The following BNC2 variants were observed in gnomAD, a reference collection of about 807,000 sequenced individuals.
BNC2 encodes the protein zinc finger protein basonuclin-2.
In BNC2, 20 loss-of-function variants were observed where a neutral mutation model predicts 76.3. That is an observed-to-expected ratio of 0.26 (90% CI 0.18 to 0.38). The LOEUF (loss-of-function observed/expected upper bound fraction) is 0.38, where lower values mean the gene tolerates loss of function less well. BNC2 is among the 10% of genes least tolerant of loss of function. BNC2 has a pLI of 1.00. For synonymous variants in BNC2, 582 were observed against 514.8 expected, an observed-to-expected ratio of 1.13 and a Z score of -1.77; for missense variants, 1,382 against 1,399.8, an observed-to-expected ratio of 0.99 and a Z score of 0.20.
chr9:16,561,748 A>G (rs1008568051), intron 4 of BNC2, among the ~76,000 whole-genome samples: 6 of 152,158 alleles, frequency 3.9e-5, no homozygotes, highest in Middle Eastern at 3.2e-3. Flanking sequence ...CACACCTGTA[A>G]ATCCAGCACT....
At chr9:16,566,402 C>T (rs1279247452) in intron 4 of BNC2, among the ~76,000 whole-genome samples, 2 of 152,180 alleles carry the variant, frequency 1.3e-5, no homozygotes, top group Non-Finnish European at 2.9e-5. Flanking sequence ...CTCAACCCTT[C>T]TTTTGTTCTA....
At chr9:16,757,277 C>A (rs998748161) in intron 1 of BNC2, among the ~76,000 whole-genome samples, 32 of 152,166 alleles carry the variant, frequency 2.1e-4, no homozygotes, top group African/African-American at 7.7e-4. Context: ...TTACAGTGAT[C>A]TTAAATCTCT....
In BNC2 at chr9:16,577,311, G is replaced by GA. The variant is rs1049360933; in HGVS notation, c.433+5671dup. Among the ~76,000 whole-genome samples, 8 of 149,602 alleles carry GA rather than the reference G, an allele frequency of 5.3e-5. 1 individual carries two copies. Among genetic ancestry groups the GA allele is most frequent in the African/African-American group, 1.7e-4 (7 of 40,628 alleles). On this transcript the variant is annotated intron_variant, in intron 4 of 6. Transcript: ENST00000380672. ...TGATAAGACATATCAAGTACAAGCT[G>GA]AAAATTCAAATTCAACCATGCTGAG...
chr9:16,516,760 G>A (rs1817455989), intron 5 of BNC2, among the ~76,000 whole-genome samples: 1 of 152,048 alleles, frequency 6.6e-6, no homozygotes, highest in African/African-American at 2.4e-5. Flanking sequence ...ATAAAAAAGT[G>A]AATAAAAAGG....
At chr9:16,426,053 C>T (rs1211385792) in intron 6 of BNC2, among the ~76,000 whole-genome samples, 1 of 152,228 alleles carries the variant, frequency 6.6e-6, no homozygotes, top group African/African-American at 2.4e-5. Context: ...TATGTTTTCA[C>T]AGCATTTGGA....
At chr9:16,652,102 G>A (rs1486740770) in intron 3 of BNC2, among the ~76,000 whole-genome samples, 1 of 152,078 alleles carries the variant, frequency 6.6e-6, no homozygotes, top group African/African-American at 2.4e-5. Context: ...ATACCCAAAG[G>A]CAGACTTGTT....
intron 2 of BNC2, among the ~76,000 whole-genome samples, chr9:16,731,096 G>GT (rs1563918490): frequency 6.6e-6 from 1 of 152,010 alleles, no homozygotes; most frequent in Non-Finnish European, 1.5e-5. Context: ...CATCTGTATC[G>GT]TTTTACAGAC....
In BNC2 at chr9:16,765,934, T is replaced by C. The variant is rs368301485; in HGVS notation, c.4-27449A>G. Among the ~76,000 whole-genome samples the C allele has an allele frequency of 1.0e-3, 153 of 152,038 alleles. 1 individual carries two copies. The highest frequency in any genetic ancestry group is 1.0e-2 in the South Asian group (48 of 4,820). On this transcript the variant is annotated intron_variant, in intron 1 of 6. Transcript: ENST00000380672. ...CCGGAGTAGCTGGGACTACAGGCGC[T>C]CGCCACCACGCCTGGCTAATTTTTT...
At chr9:16,521,594 T>G (rs1817621443) in intron 5 of BNC2, among the ~76,000 whole-genome samples, 1 of 152,184 alleles carries the variant, frequency 6.6e-6, no homozygotes, top group Non-Finnish European at 1.5e-5. Flanking sequence ...GGGACGGGAA[T>G]TAAAGACTCA....
chr9:16,517,361 T>C (rs1274493048), intron 5 of BNC2, among the ~76,000 whole-genome samples: 3 of 152,204 alleles, frequency 2.0e-5, no homozygotes, highest in African/African-American at 7.2e-5. Context: ...TGCTACTATA[T>C]ACTGAAATAC....
At chr9:16,518,635 GAC>G (rs1817517116) in intron 5 of BNC2, among the ~76,000 whole-genome samples, 1 of 151,794 alleles carries the variant, frequency 6.6e-6, no homozygotes, top group African/African-American at 2.4e-5. Flanking sequence ...TTGTTTTTGA[GAC>G]AGAGTCTTGC....
At chr9:16,666,929 T>G (rs1242814097) in intron 3 of BNC2, among the ~76,000 whole-genome samples, 1 of 152,040 alleles carries the variant, frequency 6.6e-6, no homozygotes, top group African/African-American at 2.4e-5. Flanking sequence ...GTTAAAAAAT[T>G]CACAGATAAA....
rs373124518 is a variant in BNC2 at position 16,710,607 on chromosome 9, CTATT to C, written c.330+17186_330+17189del. 1.4e-4 allele frequency among the ~76,000 whole-genome samples: 22 copies of C among 152,264 alleles called. No individual in the cohort carries two copies. The East Asian group carries it at 3.1e-3, about 21-fold the overall frequency. On this transcript the variant is annotated intron_variant, in intron 3 of 6. Coordinates refer to ENST00000380672, the MANE Select transcript of BNC2 (RefSeq NM_017637.6). The stretch of plus-strand genomic sequence containing the variant: ...ATGCATGTATGCTTTTCAAGGGTCT[CTATT>C]TATGCCCTCAGAGTAGGATTTGTTC...
At chr9:16,660,026 T>C (rs1191891801) in intron 3 of BNC2, among the ~76,000 whole-genome samples, 2 of 152,336 alleles carry the variant, frequency 1.3e-5, no homozygotes, top group South Asian at 2.1e-4. Context: ...CAAAATATTT[T>C]ACAAATCTAA....
At chr9:16,680,617 T>C (rs1241803127) in intron 3 of BNC2, among the ~76,000 whole-genome samples, 1 of 151,818 alleles carries the variant, frequency 6.6e-6, no homozygotes, top group East Asian at 1.9e-4. Context: ...ATAAGGGGCC[T>C]TTCCATTTGC....
At chr9:16,582,420 C>T (rs1459017906) in intron 4 of BNC2, among the ~76,000 whole-genome samples, 1 of 152,128 alleles carries the variant, frequency 6.6e-6, no homozygotes, top group Non-Finnish European at 1.5e-5. Context: ...ACTCTACCTA[C>T]GTCGACCACC....
At chr9:16,644,087 T>C (rs1821561014) in intron 3 of BNC2, among the ~76,000 whole-genome samples, 1 of 152,168 alleles carries the variant, frequency 6.6e-6, no homozygotes, top group Non-Finnish European at 1.5e-5. Flanking sequence ...AATGGTAACC[T>C]ACATCAAAAG....
intron 3 of BNC2, among the ~76,000 whole-genome samples, chr9:16,653,191 G>T (rs1821838928): frequency 6.6e-6 from 1 of 152,152 alleles, no homozygotes; most frequent in Admixed American, 6.5e-5. Context: ...AAATGGGTCT[G>T]TGTAGTTTTA....
chr9:16,725,538 T>G (rs2134946567), intron 3 of BNC2, among the ~76,000 whole-genome samples: 1 of 152,262 alleles, frequency 6.6e-6, no homozygotes, highest in South Asian at 2.1e-4. Context: ...GAAAACATAT[T>G]TAAAACTGTG....
Sources: allele counts gnomAD v4.1 joint callset (sites outside exome capture counted in the v4.1 genomes callset), GRCh38; gene constraint gnomAD v4.1.1; transcripts MANE v1.5; gene names NCBI Gene and HGNC (gene_info 2026-07-23, HGNC 2026-07-21).